Variants in DENND4C observed in about 807,000 individuals in gnomAD.
DENND4C encodes the protein DENN domain-containing protein 4C.
A neutral mutation model predicts 203.0 loss-of-function variants in DENND4C; 108 were observed. The ratio of observed to expected loss-of-function variants is 0.53; its 90% CI spans 0.46 to 0.62. The LOEUF (loss-of-function observed/expected upper bound fraction) is 0.62, where lower values mean the gene tolerates loss of function less well. DENND4C is among the 20% of genes least tolerant of loss of function. The pLI is 0.00. For missense variants in DENND4C, 2,481 were observed against 2,301.2 expected (o/e 1.08, Z -1.60); for synonymous variants, 871 against 792.4 (o/e 1.10, Z -1.67).
At chr9:19,243,909 T>A (rs557853714) in intron 1 of DENND4C, among the ~76,000 whole-genome samples, 1 of 152,292 alleles carries the variant, frequency 6.6e-6, no homozygotes, top group African/African-American at 2.4e-5. Flanking sequence ...CCTTCCAGGC[T>A]CAATTATCTT....
chr9:19,357,903 C>T, intron 27 of DENND4C, 62 bp from the exon 28 acceptor site: 7 of 1,304,246 alleles, frequency 5.4e-6, no homozygotes, highest in Non-Finnish European at 7.3e-6. Context: ...AATACTCTAG[C>T]TCTACAGATT....
chr9:19,248,280 C>T (rs1406708648), intron 1 of DENND4C, among the ~76,000 whole-genome samples: 2 of 152,200 alleles, frequency 1.3e-5, no homozygotes, highest in Admixed American at 1.3e-4. Flanking sequence ...TTACTTACTG[C>T]TTTAAGGCTT....
chr9:19,336,927 A>G (rs1820604464), intron 20 of DENND4C, 95 bp downstream of exon 20: 1 of 1,213,992 alleles, frequency 8.2e-7, no homozygotes. Context: ...TTTGTGTGAT[A>G]TGACTACTTT....
Position 19,261,067 on chromosome 9 carries a change from T to C in DENND4C, c.-17-15091T>C, listed in dbSNP as rs1829231017. On this transcript the variant is annotated intron_variant, in intron 1 of 32. Coordinates refer to ENST00000434457, the MANE Select transcript of DENND4C (RefSeq NM_001330640.2). ...GTGAGAAATAGGGATCTAGTTTCCT[T>C]CTTCTGCATATTGATATCTAGTTTT... is the stretch of plus-strand genomic sequence containing the variant. Among the ~76,000 whole-genome samples the C allele has an allele frequency of 2.6e-5, 4 of 152,258 alleles. No homozygotes were observed. The South Asian group carries it at 8.3e-4, about 32-fold the overall frequency.
At chr9:19,287,506 G>A (rs868289183) in intron 3 of DENND4C, among the ~76,000 whole-genome samples, 3 of 151,366 alleles carry the variant, frequency 2.0e-5, no homozygotes, top group South Asian at 4.2e-4. Context: ...TTAGCCTCCC[G>A]AGTAGCTGGG....
chr9:19,293,139 T>C (rs769180310), intron 5 of DENND4C, among the ~76,000 whole-genome samples: 17 of 152,224 alleles, frequency 1.1e-4, no homozygotes, highest in Non-Finnish European at 1.8e-4. Flanking sequence ...TAAATATAAC[T>C]GAAAATTTTA....
intron 24 of DENND4C, among the ~76,000 whole-genome samples, chr9:19,351,080 A>G (rs1221264611): frequency 2.6e-5 from 4 of 151,960 alleles, no homozygotes; most frequent in Non-Finnish European, 5.9e-5. Flanking sequence ...GCTTATTTTA[A>G]TTTAGATGCC....
At chr9:19,340,713 A>G (rs570912861) in intron 20 of DENND4C, among the ~76,000 whole-genome samples, 55 of 152,342 alleles carry the variant, frequency 3.6e-4, no homozygotes, top group African/African-American at 1.3e-3. Context: ...ACGGTCTCCA[A>G]AAGAGACTTC....
chr9:19,336,140 C>T, intron 18 of DENND4C, 130 bp from the exon 19 acceptor site: 2 of 749,330 alleles, frequency 2.7e-6, no homozygotes, highest in Non-Finnish European at 3.8e-6. Context: ...TTTTAATATA[C>T]CTCTTGGCCA....
At chr9:19,271,008 A>C (rs1162130841) in intron 1 of DENND4C, among the ~76,000 whole-genome samples, 3 of 152,198 alleles carry the variant, frequency 2.0e-5, no homozygotes, top group Non-Finnish European at 2.9e-5. Flanking sequence ...CTTAGGAATA[A>C]ATCTGACCAA....
intron 21 of DENND4C, among the ~76,000 whole-genome samples, chr9:19,341,515 G>T (rs1268684637): frequency 1.3e-5 from 2 of 151,760 alleles, no homozygotes; most frequent in East Asian, 3.9e-4. Flanking sequence ...TCACCATGTT[G>T]CCCCGGCTAG....
intron 1 of DENND4C, among the ~76,000 whole-genome samples, chr9:19,243,094 T>G (rs1824178317): frequency 6.6e-6 from 1 of 152,194 alleles, no homozygotes; most frequent in Non-Finnish European, 1.5e-5. Flanking sequence ...TTTTAAAGGA[T>G]TTTAATCACC....
At chr9:19,246,955 A>G (rs1053586911) in intron 1 of DENND4C, among the ~76,000 whole-genome samples, 4 of 151,996 alleles carry the variant, frequency 2.6e-5, no homozygotes, top group Admixed American at 2.0e-4. Flanking sequence ...CAGTATCTCT[A>G]CCCTCTAAGA....
In DENND4C at chr9:19,286,828, C is replaced by T; in HGVS notation, c.365C>T (p.Pro122Leu). 1 of 1,232,068 alleles carries T rather than the reference C, an allele frequency of 8.1e-7. No individual in the cohort carries two copies. Among genetic ancestry groups the T allele is most frequent in the Non-Finnish European group, 1.0e-6 (1 of 987,942 alleles). The allele number at this position is 1,232,068 out of a possible 1,614,324, so 76.3% of individuals were successfully genotyped here. The change falls in exon 3 of 33, where the codon CCC (proline) becomes CTC (leucine). Residue 122 changes from proline (P) to leucine (L), a missense_variant. This residue lies in a region of DENND4C where 187 missense variants were observed against 167.4 expected (regional missense o/e 1.12). Coordinates refer to ENST00000434457, the MANE Select transcript of DENND4C (RefSeq NM_001330640.2). ...IPGCEVILAT[P>L]YGRCANVNNS... is the part of the protein sequence containing the mutation. The stretch of plus-strand genomic sequence containing the variant: ...GGATGTGAAGTGATCCTAGCCACAC[C>T]CTATGGTCGCTGTGCCAATGTCAAC...
intron 2 of DENND4C, among the ~76,000 whole-genome samples, chr9:19,281,048 T>C (rs1833949922): frequency 6.6e-6 from 1 of 152,194 alleles, no homozygotes; most frequent in Admixed American, 6.5e-5. Flanking sequence ...GCCAGTCGTC[T>C]TTTAGAGTCC....
chr9:19,354,258 C>G (rs1357383856), intron 26 of DENND4C, among the ~76,000 whole-genome samples: 2 of 152,128 alleles, frequency 1.3e-5, no homozygotes, highest in Non-Finnish European at 2.9e-5. Context: ...ACTACAAACA[C>G]CACGGTAGTA....
intron 20 of DENND4C, among the ~76,000 whole-genome samples, chr9:19,337,414 T>TA (rs1820726228): frequency 6.6e-6 from 1 of 152,212 alleles, no homozygotes; most frequent in South Asian, 2.1e-4. Flanking sequence ...GTTTTTTTGT[T>TA]GTGGTTGTTT....
chr9:19,287,470 C>A (rs879482946), intron 3 of DENND4C, among the ~76,000 whole-genome samples: 7 of 151,868 alleles, frequency 4.6e-5, no homozygotes, highest in Admixed American at 2.0e-4. Flanking sequence ...CTTGACCCCC[C>A]ACCAGGCTCA....
At chr9:19,303,215 G>A (rs988222610) in intron 9 of DENND4C, among the ~76,000 whole-genome samples, 1 of 152,110 alleles carries the variant, frequency 6.6e-6, no homozygotes, top group African/African-American at 2.4e-5. Flanking sequence ...TGCTCAAAAA[G>A]TGTTGGATTT....
Sources: allele counts gnomAD v4.1 joint callset (sites outside exome capture counted in the v4.1 genomes callset), GRCh38; gene constraint gnomAD v4.1.1; regional missense constraint gnomAD v4.1.1; transcripts MANE v1.5; gene names NCBI Gene and HGNC (gene_info 2026-07-23, HGNC 2026-07-21).